The following DRC11 variants were observed in gnomAD, a reference collection of about 807,000 sequenced individuals.
DRC11 encodes dynein regulatory complex subunit 11.
chr2:236,329,017 G>A, the DRC11 span, among the ~76,000 whole-genome samples: 1 of 152,168 alleles, frequency 6.6e-6, no homozygotes, highest in Non-Finnish European at 1.5e-5. Flanking sequence ...CTTGCCTTTT[G>A]CAGCTCTCAG....
the DRC11 span, among the ~76,000 whole-genome samples, chr2:236,506,409 C>T: frequency 0.031 from 4,711 of 152,328 alleles, 254 homozygotes; most frequent in African/African-American, 0.11. This position sits in a 1 kb window ranked among gnomAD's most constrained non-coding sequence, Gnocchi z 4.9. Flanking sequence ...ATGGGCACTT[C>T]CAACTCAATA....
chr2:236,456,175 T>G, the DRC11 span, among the ~76,000 whole-genome samples: 8 of 152,244 alleles, frequency 5.3e-5, no homozygotes, highest in Admixed American at 4.6e-4. This position sits in a 1 kb window ranked among gnomAD's most constrained non-coding sequence, Gnocchi z 5.4. Flanking sequence ...TTAACATGAT[T>G]ACTGAGGGTG....
chr2:236,389,324 CG>C, the DRC11 span, among the ~76,000 whole-genome samples: 1 of 152,216 alleles, frequency 6.6e-6, no homozygotes, highest in African/African-American at 2.4e-5. Flanking sequence ...ACTCCATGGG[CG>C]TAGGACCCTC....
the DRC11 span, chr2:236,488,078 T>C: frequency 5.6e-6 from 9 of 1,608,908 alleles, no homozygotes; most frequent in African/African-American, 4.0e-5. Flanking sequence ...CTCTATATTC[T>C]TGCAGATAGA....
the DRC11 span, among the ~76,000 whole-genome samples, chr2:236,475,464 T>C: frequency 6.6e-6 from 1 of 152,210 alleles, no homozygotes; most frequent in Non-Finnish European, 1.5e-5. The surrounding 1 kb of genome is among the most constrained non-coding windows in gnomAD (Gnocchi z 4.8). Context: ...CTCTTCAATG[T>C]ATTGGTCTCC....
At chr2:236,389,291 C>T in the DRC11 span, among the ~76,000 whole-genome samples, 1 of 152,264 alleles carries the variant, frequency 6.6e-6, no homozygotes, top group African/African-American at 2.4e-5. Flanking sequence ...TGATCTCAGA[C>T]TGCTGTGCTA....
At chr2:236,447,999 A>C in the DRC11 span, among the ~76,000 whole-genome samples, 1 of 152,248 alleles carries the variant, frequency 6.6e-6, no homozygotes, top group Non-Finnish European at 1.5e-5. This position sits in a 1 kb window ranked among gnomAD's most constrained non-coding sequence, Gnocchi z 4.6. Flanking sequence ...TTAAGATTCG[A>C]AGTATAATTG....
the DRC11 span, among the ~76,000 whole-genome samples, chr2:236,502,191 C>G: frequency 6.6e-6 from 1 of 152,096 alleles, no homozygotes. Context: ...CAAGGGGATA[C>G]GTAAGTAATT....
chr2:236,481,928 T>G, the DRC11 span, among the ~76,000 whole-genome samples: 66 of 149,092 alleles, frequency 4.4e-4, no homozygotes, highest in East Asian at 0.01. Flanking sequence ...ACATATTATA[T>G]GTATAATTCT....
the DRC11 span, among the ~76,000 whole-genome samples, chr2:236,357,271 A>ATT: frequency 1.5e-4 from 14 of 92,328 alleles, no homozygotes; most frequent in African/African-American, 4.0e-4. Context: ...TTATAAATAT[A>ATT]CATATATTAT....
chr2:236,481,364 T>C, the DRC11 span, among the ~76,000 whole-genome samples: 1 of 151,916 alleles, frequency 6.6e-6, no homozygotes, highest in Admixed American at 6.6e-5. Context: ...CTGGGGGAGA[T>C]TTTTTCCACA....
the DRC11 span, chr2:236,368,368 G>A: frequency 1.8e-5 from 16 of 908,994 alleles, no homozygotes; most frequent in African/African-American, 2.7e-4. Context: ...CATAATTTTG[G>A]CATCTGCAAA....
the DRC11 span, among the ~76,000 whole-genome samples, chr2:236,342,042 G>A: frequency 6.6e-6 from 1 of 152,154 alleles, no homozygotes; most frequent in Admixed American, 6.5e-5. The surrounding 1 kb of genome is among the most constrained non-coding windows in gnomAD (Gnocchi z 5.8). Flanking sequence ...ACTGATCTTC[G>A]CCATGCCCCA....
the DRC11 span, chr2:236,391,072 T>G: frequency 6.6e-6 from 1 of 152,248 alleles, no homozygotes; most frequent in Non-Finnish European, 1.5e-5. This position sits in a 1 kb window ranked among gnomAD's most constrained non-coding sequence, Gnocchi z 4.5. Context: ...GCCTCTCACC[T>G]GAATCCCAGA....
the DRC11 span, among the ~76,000 whole-genome samples, chr2:236,438,399 T>C: frequency 6.7e-6 from 1 of 148,222 alleles, no homozygotes; most frequent in African/African-American, 2.5e-5. Context: ...TTTGTTCTTT[T>C]GGCTTAGGAT....
At chr2:236,400,260 G>A in the DRC11 span, among the ~76,000 whole-genome samples, 5 of 152,136 alleles carry the variant, frequency 3.3e-5, no homozygotes, top group African/African-American at 1.2e-4. This position sits in a 1 kb window ranked among gnomAD's most constrained non-coding sequence, Gnocchi z 7.9. Context: ...CCCGGAGCCA[G>A]AGTCTAGCTA....
chr2:236,465,118 G>T, the DRC11 span, among the ~76,000 whole-genome samples: 2 of 152,122 alleles, frequency 1.3e-5, no homozygotes, highest in Non-Finnish European at 2.9e-5. The surrounding 1 kb of genome is among the most constrained non-coding windows in gnomAD (Gnocchi z 6.2). Flanking sequence ...ATCAGCAGCT[G>T]CCTCAAAGGA....
the DRC11 span, among the ~76,000 whole-genome samples, chr2:236,428,475 T>A: frequency 6.6e-6 from 1 of 152,198 alleles, no homozygotes; most frequent in South Asian, 2.1e-4. Context: ...GATCTCTTTA[T>A]AATTATATAA....
the DRC11 span, chr2:236,486,894 G>C: frequency 5.6e-6 from 9 of 1,604,490 alleles, no homozygotes; most frequent in African/African-American, 1.2e-4. The surrounding 1 kb of genome is among the most constrained non-coding windows in gnomAD (Gnocchi z 5.7). Flanking sequence ...TGGAAACGTC[G>C]CCAAACCTAA....
Sources: gnomAD v4.1 joint callset for allele counts (sites outside exome capture counted in the v4.1 genomes callset) on GRCh38, gnomAD v4.1.1 for gene constraint, Gnocchi (gnomAD v3.1) non-coding constraint, MANE v1.5 for transcripts, NCBI Gene and HGNC (gene_info 2026-07-23, HGNC 2026-07-21) for gene names.